Variants in PDE4B observed in about 807,000 individuals in gnomAD.
The protein encoded by PDE4B is phosphodiesterase 4B, also known as 3',5'-cyclic-AMP phosphodiesterase 4B.
In PDE4B, 20 loss-of-function variants were observed where a neutral mutation model predicts 82.2. That is an observed-to-expected ratio of 0.24 (90% CI 0.17 to 0.35). The LOEUF (loss-of-function observed/expected upper bound fraction) is 0.35. Ranked by LOEUF, PDE4B falls within the 10% of genes least tolerant of loss-of-function variation. The probability of loss-of-function intolerance (pLI) is 1.00; values close to 1 mark genes in which losing one functional copy is unlikely to be tolerated. For synonymous variants in PDE4B, 320 were observed against 318.9 expected (o/e 1.00, Z -0.04); for missense variants, 655 against 907.2 (o/e 0.72, Z 3.57).
intron 7 of PDE4B, among the ~76,000 whole-genome samples, chr1:66,305,576 G>A (rs996844815): frequency 6.6e-6 from 1 of 152,080 alleles, no homozygotes; most frequent in Non-Finnish European, 1.5e-5. Flanking sequence ...ATAGGAAAAA[G>A]GTGGACCAGG....
chr1:66,217,662 ATTTG>A (rs1650572705), intron 3 of PDE4B, among the ~76,000 whole-genome samples: 1 of 152,102 alleles, frequency 6.6e-6, no homozygotes, highest in Non-Finnish European at 1.5e-5. Context: ...TATTTGTATG[ATTTG>A]TTTAATTATT....
At chr1:66,256,648 C>T (rs1025539174) in intron 4 of PDE4B, among the ~76,000 whole-genome samples, 3 of 152,108 alleles carry the variant, frequency 2.0e-5, no homozygotes, top group Non-Finnish European at 2.9e-5. Context: ...ATGTGTTGTT[C>T]GACTCTGGAG....
At chr1:65,934,185 AC>A (rs1647992741) in intron 3 of PDE4B, among the ~76,000 whole-genome samples, 2 of 152,232 alleles carry the variant, frequency 1.3e-5, no homozygotes, top group Admixed American at 1.3e-4. Flanking sequence ...ACAAAGGAAG[AC>A]AGCATGAGAG....
At chr1:66,173,906 C>G (rs1218681636) in intron 3 of PDE4B, among the ~76,000 whole-genome samples, 6 of 152,290 alleles carry the variant, frequency 3.9e-5, no homozygotes, top group African/African-American at 1.4e-4. Context: ...CCCACCTCAG[C>G]CTCCTGAGTA....
intron 1 of PDE4B, among the ~76,000 whole-genome samples, chr1:65,807,368 C>T (rs1645765708): frequency 6.6e-6 from 1 of 152,174 alleles, no homozygotes; most frequent in Admixed American, 6.5e-5. Context: ...GTATTGTATT[C>T]TATTGAATAA....
At chr1:65,865,232 C>T (rs1414024681) in intron 1 of PDE4B, among the ~76,000 whole-genome samples, 2 of 152,190 alleles carry the variant, frequency 1.3e-5, no homozygotes, top group Non-Finnish European at 2.9e-5. Context: ...CTTCCCCACA[C>T]CAAGCTCTAT....
At chr1:66,244,490 G>T (rs1428231334) in intron 3 of PDE4B, among the ~76,000 whole-genome samples, 1 of 152,112 alleles carries the variant, frequency 6.6e-6, no homozygotes, top group Non-Finnish European at 1.5e-5. Flanking sequence ...ATTTCAGTTT[G>T]TGTGGTATAT....
At chr1:65,803,138 A>G (rs1019846049) in intron 1 of PDE4B, among the ~76,000 whole-genome samples, 5 of 152,186 alleles carry the variant, frequency 3.3e-5, no homozygotes, top group Admixed American at 2.0e-4. Flanking sequence ...GATATTGACA[A>G]AAATATCCTT....
intron 3 of PDE4B, among the ~76,000 whole-genome samples, chr1:66,153,749 T>C (rs1368053256): frequency 2.0e-5 from 3 of 152,172 alleles, no homozygotes; most frequent in Non-Finnish European, 4.4e-5. Context: ...CACTTTCCTT[T>C]TAGTATCTCC....
At chr1:66,337,217 T>C (rs150466759) in intron 8 of PDE4B, among the ~76,000 whole-genome samples, 1 of 152,176 alleles carries the variant, frequency 6.6e-6, no homozygotes, top group African/African-American at 2.4e-5. Flanking sequence ...GATGCATCCA[T>C]TTGCTGGGCC....
intron 4 of PDE4B, among the ~76,000 whole-genome samples, chr1:66,255,048 ATTCTTTTTTTCTT>A (rs1365381156): frequency 1.1e-4 from 15 of 135,998 alleles, no homozygotes; most frequent in Admixed American, 8.8e-4. Context: ...CTTTTCTTTC[ATTCTTTTTTTCTT>A]TTCTTTTTTT....
chr1:65,845,174 A>T (rs112837434), intron 1 of PDE4B, among the ~76,000 whole-genome samples: 3 of 152,316 alleles, frequency 2.0e-5, no homozygotes, highest in South Asian at 2.1e-4. Flanking sequence ...ATAACATCCA[A>T]CATAACTTTG....
chr1:65,838,905 GCA>G (rs1401559555), intron 1 of PDE4B, among the ~76,000 whole-genome samples: 1 of 152,030 alleles, frequency 6.6e-6, no homozygotes, highest in Non-Finnish European at 1.5e-5. Flanking sequence ...ACAATTGCAA[GCA>G]CAGTTTCTGT....
intron 1 of PDE4B, among the ~76,000 whole-genome samples, chr1:65,884,211 G>A (rs1456777669): frequency 6.6e-6 from 1 of 152,124 alleles, no homozygotes; most frequent in African/African-American, 2.4e-5. Flanking sequence ...TCTATTGATT[G>A]GAATAGTTTC....
rs560842400 is a variant in PDE4B at position 66,123,747 on chromosome 1, G to T, written c.282-123713G>T. Reference sequence around the variant, plus strand: ...TCTACTAAATTGTGAGTGCCTTTAGGCCAAGAGCAGATGCTTTTCAAAATA... The same window carrying T: ...TCTACTAAATTGTGAGTGCCTTTAGTCCAAGAGCAGATGCTTTTCAAAATA... On this transcript the variant is annotated intron_variant, in intron 3 of 16. Transcript: ENST00000341517. 4.6e-5 allele frequency among the ~76,000 whole-genome samples: 7 copies of T among 152,144 alleles called. No individual in the cohort carries two copies. In the East Asian group the frequency reaches 1.3e-3, roughly 29 times the overall value.
intron 3 of PDE4B, among the ~76,000 whole-genome samples, chr1:66,207,206 TTATC>T (rs1649624433): frequency 6.6e-6 from 1 of 152,238 alleles, no homozygotes; most frequent in Non-Finnish European, 1.5e-5. Flanking sequence ...TGCTGTTTCT[TTATC>T]TATTATATTT....
chr1:66,061,350 G>T (rs1655574976), intron 3 of PDE4B, among the ~76,000 whole-genome samples: 1 of 151,550 alleles, frequency 6.6e-6, no homozygotes, highest in Non-Finnish European at 1.5e-5. Context: ...AAATGCCCAT[G>T]CTTTCTAAAG....
chr1:66,140,541 A>C (rs1311309195), intron 3 of PDE4B, among the ~76,000 whole-genome samples: 6 of 152,250 alleles, frequency 3.9e-5, no homozygotes, highest in Admixed American at 2.0e-4. Context: ...AGTAAAAAGT[A>C]AAAATGGCAT....
intron 3 of PDE4B, among the ~76,000 whole-genome samples, chr1:66,116,434 C>T (rs1306008883): frequency 6.6e-6 from 1 of 152,200 alleles, no homozygotes; most frequent in Non-Finnish European, 1.5e-5. Context: ...ACTCCCACCA[C>T]ACACATCCTG....
Sources: gnomAD v4.1 joint callset for allele counts (sites outside exome capture counted in the v4.1 genomes callset) on GRCh38, gnomAD v4.1.1 for gene constraint, MANE v1.5 for transcripts, NCBI Gene and HGNC (gene_info 2026-07-23, HGNC 2026-07-21) for gene names.